The following SEPTIN9 variants were observed in gnomAD, a reference collection of about 807,000 sequenced individuals.
SEPTIN9 encodes the protein septin 9, also known as septin-9.
Under a neutral mutation model 56.6 loss-of-function variants are expected in SEPTIN9, and 13 were observed. That is an observed-to-expected ratio of 0.23 (90% CI 0.15 to 0.37). The LOEUF is 0.37. Among genes scored for constraint, SEPTIN9 ranks in the 10% least tolerant of loss-of-function variants. The pLI, the probability that SEPTIN9 is intolerant of heterozygous loss-of-function variation, is 1.00. For synonymous variants in SEPTIN9, 332 were observed against 334.1 expected, an observed-to-expected ratio of 0.99 and a Z score of 0.07; for missense variants, 650 against 823.1, an observed-to-expected ratio of 0.79 and a Z score of 2.57.
rs2032793119 is a variant in SEPTIN9 at position 77,318,690 on chromosome 17, A to G, written c.76+11493A>G. ...GAATGGTCCTCCCCACCCCCCAGGA[A>G]GATGTCCTTTCTGCCAAGGAGATTG... On this transcript the variant is annotated intron_variant, in intron 2 of 11. Transcript: ENST00000427177. This position sits in a 1 kb window ranked among gnomAD's most constrained non-coding sequence, Gnocchi z 4.9. 6.6e-6 allele frequency among the ~76,000 whole-genome samples: 1 copy of G among 152,062 alleles called. No homozygotes were observed. Among genetic ancestry groups the G allele is most frequent in the Non-Finnish European group, 1.5e-5 (1 of 67,992 alleles).
At chr17:77,419,397 C>T (rs779599082) in intron 3 of SEPTIN9, among the ~76,000 whole-genome samples, 20 of 152,152 alleles carry the variant, frequency 1.3e-4, no homozygotes, top group Non-Finnish European at 2.5e-4. Flanking sequence ...GTACCTGTGC[C>T]CCAGCTGACC....
rs114183572 is a variant in SEPTIN9 at position 77,376,405 on chromosome 17, C to T, written c.77-25654C>T. The T allele has an allele frequency of 1.9e-3, 1,833 of 985,378 alleles. 21 individuals carry two copies. The African/African-American group carries it at 0.027, about 14-fold the overall frequency. The allele number at this position is 985,378 out of a possible 1,614,324, so 61.0% of individuals were successfully genotyped here. On this transcript the variant is annotated intron_variant, in intron 2 of 11. Transcript: ENST00000427177. The stretch of plus-strand genomic sequence containing the variant: ...GTGTCTTGGTTCCTGCAAGGTAGGC[C>T]GAAAGGGTGGGGAGGAAACTGCCAG...
rs550788792 is a variant in SEPTIN9 at position 77,449,027 on chromosome 17, G to A, written c.722-33117G>A. The stretch of plus-strand genomic sequence containing the variant: ...TTGAACTCCTGACCTCAGGTGATCT[G>A]CCCACCTCAGCCTCCCAAAGTGCTG... On this transcript the variant is annotated intron_variant, in intron 3 of 11. Transcript: ENST00000427177. The surrounding 1 kb of genome is among the most constrained non-coding windows in gnomAD (Gnocchi z 4.6). Among the ~76,000 whole-genome samples the A allele has an allele frequency of 2.4e-4, 36 of 152,186 alleles. 1 individual carries two copies. In the South Asian group the frequency reaches 7.3e-3, roughly 31 times the overall value.
chr17:77,318,175 T>C lies in SEPTIN9; in HGVS notation c.76+10978T>C, dbSNP rs2032775644. ...AACCGATCCCAGGTGCCAAAAAGGT[T>C]GGGGGCCACTGCCTTCATCGCCTGC... On this transcript the variant is annotated intron_variant, in intron 2 of 11. Coordinates refer to ENST00000427177, the MANE Select transcript of SEPTIN9 (RefSeq NM_001113491.2). The surrounding 1 kb of genome is among the most constrained non-coding windows in gnomAD (Gnocchi z 4.9). Among the ~76,000 whole-genome samples, 1 of 152,080 alleles carries C rather than the reference T, an allele frequency of 6.6e-6. No homozygotes were observed. The highest frequency in any genetic ancestry group is 1.5e-5 in the Non-Finnish European group (1 of 68,014).
intron 3 of SEPTIN9, among the ~76,000 whole-genome samples, chr17:77,408,252 G>GGC (rs2036162100): frequency 1.3e-5 from 2 of 152,224 alleles, no homozygotes; most frequent in South Asian, 4.1e-4. Context: ...GGTGGCTGGG[G>GGC]GCTGAGCTCT....
chr17:77,320,043 A>G (rs934285649), intron 2 of SEPTIN9: 13 of 1,369,126 alleles, frequency 9.5e-6, no homozygotes, highest in Non-Finnish European at 1.0e-5. Flanking sequence ...CCTGCCTCCT[A>G]TTTTTGGATT....
At chr17:77,480,585 G>A (rs1024370417) in intron 3 of SEPTIN9, among the ~76,000 whole-genome samples, 4 of 152,226 alleles carry the variant, frequency 2.6e-5, no homozygotes, top group African/African-American at 7.2e-5. Context: ...GCTGCCTCCT[G>A]TCTGGGAGGG....
intron 2 of SEPTIN9, among the ~76,000 whole-genome samples, chr17:77,370,782 G>A (rs1372122838): frequency 1.3e-5 from 2 of 152,306 alleles, no homozygotes; most frequent in East Asian, 1.9e-4. Flanking sequence ...GAAAAGGGGG[G>A]TGGAGGGCCT....
chr17:77,377,538 A>G (rs2034976086), intron 2 of SEPTIN9, among the ~76,000 whole-genome samples: 2 of 151,624 alleles, frequency 1.3e-5, no homozygotes, highest in Admixed American at 1.3e-4. Context: ...ACGTGCTCAG[A>G]TCCCAGAGCT....
At chr17:77,311,222 C>T (rs1162594054) in intron 2 of SEPTIN9, among the ~76,000 whole-genome samples, 4 of 91,198 alleles carry the variant, frequency 4.4e-5, no homozygotes, top group East Asian at 3.5e-4. Context: ...AAGGAAGGAC[C>T]CCCCCCCCAC....
At chr17:77,348,531 C>T (rs937982990) in intron 2 of SEPTIN9, among the ~76,000 whole-genome samples, 3 of 152,122 alleles carry the variant, frequency 2.0e-5, no homozygotes, top group African/African-American at 7.2e-5. Context: ...AACTCCTGAC[C>T]TCAGGCGATC....
rs545716220 is a variant in SEPTIN9, at chr17:77,318,851, T to C, written c.76+11654T>C. Among the ~76,000 whole-genome samples the C allele has an allele frequency of 6.6e-6, 1 of 152,176 alleles. No homozygotes were observed. The highest frequency in any genetic ancestry group is 2.4e-5 in the African/African-American group (1 of 41,502). On this transcript the variant is annotated intron_variant, in intron 2 of 11. Transcript: ENST00000427177. This position sits in a 1 kb window ranked among gnomAD's most constrained non-coding sequence, Gnocchi z 4.9. ...GTCACAGGTAACTCACCTGGCTCTGTGGGGCAGGGATTGTAAACTCAGAGG... is the reference window on the plus strand; with the variant it reads ...GTCACAGGTAACTCACCTGGCTCTGCGGGGCAGGGATTGTAAACTCAGAGG...
intron 3 of SEPTIN9, chr17:77,446,366 CT>C (rs886990745): frequency 2.2e-3 from 333 of 151,416 alleles, no homozygotes; most frequent in Middle Eastern, 3.5e-3. Flanking sequence ...CTGCCTTCCT[CT>C]TTTTTTTTTT....
intron 3 of SEPTIN9, among the ~76,000 whole-genome samples, chr17:77,407,839 G>A (rs1046847195): frequency 8.5e-5 from 13 of 152,200 alleles, no homozygotes; most frequent in Non-Finnish European, 1.3e-4. Context: ...GGGTGGGGAC[G>A]GCCTTGCCTC....
intron 2 of SEPTIN9, among the ~76,000 whole-genome samples, chr17:77,344,002 A>G (rs868377665): frequency 6.6e-6 from 1 of 152,218 alleles, no homozygotes; most frequent in East Asian, 1.9e-4. Flanking sequence ...CCGAAAATAC[A>G]ACAAAAGAAA....
intron 2 of SEPTIN9, among the ~76,000 whole-genome samples, chr17:77,358,801 C>T (rs1281532917): frequency 6.6e-6 from 1 of 152,218 alleles, no homozygotes. Context: ...GACCCCTGCC[C>T]TGCCAGACAG....
intron 2 of SEPTIN9, 37 bp downstream of exon 2, chr17:77,307,234 AT>A (rs1458556023): frequency 1.3e-6 from 2 of 1,580,072 alleles, no homozygotes; most frequent in South Asian, 2.2e-5. Flanking sequence ...CACCCAGCTC[AT>A]GGGTGTGTTT....
Position 77,405,173 on chromosome 17 carries a change from A to C in SEPTIN9, c.721+2470A>C. The stretch of plus-strand genomic sequence containing the variant: ...GATGTCCATGGGGATGTACAAGAAC[A>C]TTCTCCTCCAGGGGCAGACACAGTT... On this transcript the variant is annotated intron_variant, in intron 3 of 11. Coordinates refer to ENST00000427177, the MANE Select transcript of SEPTIN9 (RefSeq NM_001113491.2). The surrounding 1 kb of genome is among the most constrained non-coding windows in gnomAD (Gnocchi z 5.8). The C allele has an allele frequency of 1.3e-6, 2 of 1,510,444 alleles. No homozygotes were observed. The highest frequency in any genetic ancestry group is 1.8e-6 in the Non-Finnish European group (2 of 1,124,558). 93.6% of individuals were successfully genotyped at this position (1,510,444 alleles called of 1,614,324 possible).
Position 77,330,505 on chromosome 17 carries a change from C to G in SEPTIN9, c.76+23308C>G, listed in dbSNP as rs1272285966. ...TGGACTCAGCCAGGCTCTCGGGCAG[C>G]CTTTCCTGGATTCTTCCTCCGTTCT... On this transcript the variant is annotated intron_variant, in intron 2 of 11. Coordinates refer to ENST00000427177, the MANE Select transcript of SEPTIN9 (RefSeq NM_001113491.2). This position sits in a 1 kb window ranked among gnomAD's most constrained non-coding sequence, Gnocchi z 4.4. Among the ~76,000 whole-genome samples, 2 of 152,180 alleles carry G rather than the reference C, an allele frequency of 1.3e-5. No individual in the cohort carries two copies. The highest frequency in any genetic ancestry group is 4.8e-5 in the African/African-American group (2 of 41,434).
Sources: gnomAD v4.1 joint callset for allele counts (sites outside exome capture counted in the v4.1 genomes callset) on GRCh38, gnomAD v4.1.1 for gene constraint, Gnocchi (gnomAD v3.1) non-coding constraint, MANE v1.5 for transcripts, NCBI Gene and HGNC (gene_info 2026-07-23, HGNC 2026-07-21) for gene names.